The following KDM7A variants were observed in gnomAD, a reference collection of about 807,000 sequenced individuals.
KDM7A encodes the protein lysine-specific demethylase 7A.
Under a neutral mutation model 114.8 loss-of-function variants are expected in KDM7A, and 28 were observed. The ratio of observed to expected loss-of-function variants is 0.24; its 90% CI spans 0.18 to 0.33. KDM7A has a LOEUF of 0.33. Ranked by LOEUF, KDM7A falls within the 10% of genes least tolerant of loss-of-function variation. KDM7A has a pLI of 1.00. For synonymous variants in KDM7A, 423 were observed against 397.8 expected (o/e 1.06, Z -0.75); for missense variants, 942 against 1,142.5 (o/e 0.82, Z 2.53).
intron 1 of KDM7A, among the ~76,000 whole-genome samples, chr7:140,164,962 T>C (rs62491434): frequency 0.069 from 10,579 of 152,290 alleles, 419 homozygotes; most frequent in Non-Finnish European, 0.09. Flanking sequence ...CAACATTCGG[T>C]TGAATGATAA....
At chr7:140,103,461 C>G (rs559437496) in intron 11 of KDM7A, among the ~76,000 whole-genome samples, 10 of 151,824 alleles carry the variant, frequency 6.6e-5, no homozygotes, top group African/African-American at 1.9e-4. Flanking sequence ...ATCCCTCCCC[C>G]CCCCTCCAAC....
intron 2 of KDM7A, among the ~76,000 whole-genome samples, chr7:140,137,661 T>C (rs1234292727): frequency 6.6e-6 from 1 of 152,226 alleles, no homozygotes; most frequent in African/African-American, 2.4e-5. Flanking sequence ...TCAATTTTTA[T>C]GCTGTATACT....
At position 140,132,093 on chromosome 7, in the gene KDM7A, A is replaced by G. The variant is rs187775043; in HGVS notation, c.398+1446T>C. Among the ~76,000 whole-genome samples the G allele has an allele frequency of 4.5e-3, 685 of 152,318 alleles. 3 individuals are homozygous for G. The highest frequency in any genetic ancestry group is 6.8e-3 in the Admixed American group (104 of 15,300). On this transcript the variant is annotated intron_variant, in intron 3 of 19. Transcript: ENST00000397560. ...TGTAGAAAAGGGTCTCAAAAAACTT[A>G]CACTAAGTCTTAAAATAGGGGAGGG...
intron 17 of KDM7A, chr7:140,094,685 T>C (rs1047603834): frequency 6.5e-6 from 1 of 153,022 alleles, no homozygotes. Context: ...ACTGTCTTCA[T>C]TTATTCATTC....
chr7:140,142,053 T>C (rs942248051), intron 1 of KDM7A, among the ~76,000 whole-genome samples: 4 of 146,658 alleles, frequency 2.7e-5, no homozygotes, highest in East Asian at 3.9e-4. Context: ...TTATATATCA[T>C]ATATATATAA....
intron 1 of KDM7A, among the ~76,000 whole-genome samples, chr7:140,150,847 G>C (rs1017947001): frequency 2.1e-5 from 1 of 47,534 alleles, no homozygotes; most frequent in Non-Finnish European, 4.0e-5. Flanking sequence ...TTTTTTTTTT[G>C]AGACGAGTTC....
In KDM7A at chr7:140,119,095, A is replaced by T. The variant is rs780992012; in HGVS notation, c.1246+18T>A. ...AATATGCATCATATCATATACAAACATGCAAATTATTAATTACCTTTCAGG... is the reference window on the plus strand; with the variant it reads ...AATATGCATCATATCATATACAAACTTGCAAATTATTAATTACCTTTCAGG... On this transcript the variant is annotated intron_variant, in intron 9 of 19. Coordinates refer to ENST00000397560, the MANE Select transcript of KDM7A (RefSeq NM_030647.2). The T allele has an allele frequency of 2.1e-6, 3 of 1,447,026 alleles. No individual in the cohort carries two copies. In the South Asian group the frequency reaches 3.5e-5, roughly 17 times the overall value. 89.6% of individuals were successfully genotyped at this position (1,447,026 alleles called of 1,614,324 possible). A position where few individuals can be genotyped will look rare whatever the true frequency, so the allele number is the denominator to read the frequency against.
intron 2 of KDM7A, 26 bp downstream of exon 2, chr7:140,139,079 T>C: frequency 1.3e-6 from 2 of 1,482,158 alleles, no homozygotes; most frequent in South Asian, 1.1e-5. Flanking sequence ...GAAATGTCCA[T>C]TTTTATTTAA....
chr7:140,085,666 T>C lies in KDM7A; in HGVS notation c.*5428A>G, dbSNP rs935248368. On this transcript the variant is annotated 3_prime_UTR_variant, in exon 20 of 20. Transcript: ENST00000397560. The stretch of plus-strand genomic sequence containing the variant: ...GCTGTTTTTGGAAAAATTGAGGTTA[T>C]AGCTTTTGATTCAGTCTAACCATAA... The C allele has an allele frequency of 2.0e-5, 3 of 152,224 alleles. No homozygotes were observed. Among genetic ancestry groups the C allele is most frequent in the East Asian group, 1.9e-4 (1 of 5,198 alleles). 9.4% of individuals were successfully genotyped at this position (152,224 alleles called of 1,614,324 possible). A position where few individuals can be genotyped will look rare whatever the true frequency, so the allele number is the denominator to read the frequency against.
chr7:140,123,671 T>A (rs969551499), intron 7 of KDM7A, among the ~76,000 whole-genome samples: 3 of 152,210 alleles, frequency 2.0e-5, no homozygotes, highest in Non-Finnish European at 2.9e-5. Context: ...TTTTGGAGCA[T>A]TTCAGATTTT....
chr7:140,095,727 A>T, intron 17 of KDM7A: 1 of 208,122 alleles, frequency 4.8e-6, no homozygotes, highest in South Asian at 4.8e-5. Context: ...AAAAATAAAA[A>T]AATTAGCCAG....
At chr7:140,121,873 C>T (rs6464549) in intron 7 of KDM7A, among the ~76,000 whole-genome samples, 52,626 of 151,970 alleles carry the variant, frequency 0.35, 9,371 homozygotes, top group Middle Eastern at 0.43. Flanking sequence ...TTTCCTGAAA[C>T]ACAAAAACTG....
intron 2 of KDM7A, among the ~76,000 whole-genome samples, chr7:140,135,165 T>C (rs914564627): frequency 6.6e-6 from 1 of 151,968 alleles, no homozygotes; most frequent in African/African-American, 2.4e-5. Flanking sequence ...TGAGTGTATT[T>C]CATTCCAGAT....
At chr7:140,115,003 G>A (rs181137441) in intron 9 of KDM7A, among the ~76,000 whole-genome samples, 6,386 of 150,706 alleles carry the variant, frequency 0.042, 196 homozygotes, top group Non-Finnish European at 0.06. Context: ...AGTGAGGAGC[G>A]TCTCTGCCCG....
intron 4 of KDM7A, among the ~76,000 whole-genome samples, 175 bp from the exon 5 acceptor site, chr7:140,127,758 A>G (rs1039020905): frequency 1.3e-5 from 2 of 152,234 alleles, no homozygotes; most frequent in Non-Finnish European, 2.9e-5. Context: ...CCTTTCAGGA[A>G]AAAAGGGACA....
At chr7:140,098,677 C>A (rs1372252589) in intron 14 of KDM7A, among the ~76,000 whole-genome samples, 1 of 152,206 alleles carries the variant, frequency 6.6e-6, no homozygotes, top group Non-Finnish European at 1.5e-5. Flanking sequence ...ACTGAGAACA[C>A]CGCCCCTGGC....
intron 1 of KDM7A, among the ~76,000 whole-genome samples, chr7:140,140,595 G>A (rs1794258130): frequency 6.6e-6 from 1 of 152,082 alleles, no homozygotes; most frequent in Non-Finnish European, 1.5e-5. Flanking sequence ...CCAACATGGG[G>A]AAACCCCGTC....
intron 1 of KDM7A, among the ~76,000 whole-genome samples, chr7:140,172,925 T>C (rs1414195672): frequency 2.0e-5 from 3 of 152,220 alleles, no homozygotes; most frequent in East Asian, 1.9e-4. Flanking sequence ...TCATATTCTT[T>C]ATACTTTTCT....
intron 8 of KDM7A, among the ~76,000 whole-genome samples, chr7:140,120,107 T>C (rs1818595521): frequency 1.3e-5 from 2 of 152,226 alleles, no homozygotes; most frequent in South Asian, 4.1e-4. Context: ...TAGCACCATA[T>C]GTCACATCTG....
Sources: allele counts gnomAD v4.1 joint callset (sites outside exome capture counted in the v4.1 genomes callset), GRCh38; gene constraint gnomAD v4.1.1; transcripts MANE v1.5; gene names NCBI Gene and HGNC (gene_info 2026-07-23, HGNC 2026-07-21).